The following EYA1 variants were observed in gnomAD, a reference collection of about 807,000 sequenced individuals.
EYA1 encodes EYA transcriptional coactivator and phosphatase 1, also known as protein phosphatase EYA1.
In EYA1, 16 loss-of-function variants were observed where a neutral mutation model predicts 82.0. The observed-to-expected ratio is 0.20, with a 90% CI of 0.13 to 0.30. The LOEUF is 0.30. EYA1 is among the 10% of genes least tolerant of loss of function. The pLI, the probability that EYA1 is intolerant of heterozygous loss-of-function variation, is 1.00. For synonymous variants in EYA1, 261 were observed against 264.4 expected, an observed-to-expected ratio of 0.99 and a Z score of 0.12; for missense variants, 633 against 730.7, an observed-to-expected ratio of 0.87 and a Z score of 1.54.
At chr8:71,271,601 G>C (rs184316541) in intron 10 of EYA1, among the ~76,000 whole-genome samples, 157 bp downstream of exon 10, 1 of 152,298 alleles carries the variant, frequency 6.6e-6, no homozygotes, top group East Asian at 1.9e-4. Context: ...TAATAAAGGA[G>C]AGAAAATATT....
intron 9 of EYA1, among the ~76,000 whole-genome samples, chr8:71,289,303 A>C (rs1206139968): frequency 1.3e-5 from 2 of 152,228 alleles, no homozygotes; most frequent in Non-Finnish European, 2.9e-5. Flanking sequence ...GATATCCACA[A>C]ACTGCTTTTA....
intron 17 of EYA1, among the ~76,000 whole-genome samples, chr8:71,205,676 A>G (rs1272889554): frequency 6.6e-6 from 1 of 152,230 alleles, no homozygotes; most frequent in East Asian, 1.9e-4. Context: ...ACATTGGCAA[A>G]GAGAATAAGG....
Position 71,270,336 on chromosome 8 carries a change from G to T in EYA1, c.967-513C>A, listed in dbSNP as rs28664828. ...TTCACCTTATGTTACCTATTGAGCT[G>T]TTATCAAAGGGATGGGATACACATT... On this transcript the variant is annotated intron_variant, in intron 10 of 17. Transcript: ENST00000340726. The T allele has an allele frequency of 7.1e-3, 1,125 of 157,364 alleles. 10 individuals are homozygous for T. The highest frequency in any genetic ancestry group is 0.026 in the African/African-American group (1,071 of 41,598). 9.7% of individuals were successfully genotyped at this position (157,364 alleles called of 1,614,324 possible). A position where few individuals can be genotyped will look rare whatever the true frequency, so the allele number is the denominator to read the frequency against.
intron 2 of EYA1, among the ~76,000 whole-genome samples, chr8:71,534,191 G>C (rs541164482): frequency 6.6e-6 from 1 of 152,140 alleles, no homozygotes. Context: ...GTTCATAAAA[G>C]GTGGCAGTAA....
chr8:71,212,186 A>G (rs997023635), intron 16 of EYA1, among the ~76,000 whole-genome samples: 2 of 152,330 alleles, frequency 1.3e-5, no homozygotes, highest in South Asian at 2.1e-4. Flanking sequence ...CCTCTTTCAA[A>G]TAAGGATCAG....
intron 2 of EYA1, among the ~76,000 whole-genome samples, chr8:71,396,485 T>C (rs1156438717): frequency 6.6e-6 from 1 of 152,230 alleles, no homozygotes. Context: ...GATTCTGGTA[T>C]GTTGTGTCTT....
intron 2 of EYA1, among the ~76,000 whole-genome samples, chr8:71,510,884 C>T (rs1812541856): frequency 1.3e-5 from 2 of 152,228 alleles, no homozygotes; most frequent in African/African-American, 2.4e-5. Context: ...CAATCCATCA[C>T]TCAGCTAGAT....
intron 2 of EYA1, among the ~76,000 whole-genome samples, chr8:71,389,110 G>T (rs75754553): frequency 0.052 from 7,944 of 151,818 alleles, 554 homozygotes; most frequent in African/African-American, 0.16. Context: ...GAGAGAGGGA[G>T]AAAGAAAAGA....
At chr8:71,389,680 A>G (rs1374422120) in intron 2 of EYA1, among the ~76,000 whole-genome samples, 1 of 152,222 alleles carries the variant, frequency 6.6e-6, no homozygotes, top group Non-Finnish European at 1.5e-5. Context: ...TGGTCCATGT[A>G]CGACTGGTGA....
chr8:71,346,375 C>CA (rs1563507133), intron 3 of EYA1, among the ~76,000 whole-genome samples: 1 of 147,994 alleles, frequency 6.8e-6, no homozygotes, highest in Non-Finnish European at 1.5e-5. Context: ...AGATATACTA[C>CA]ATGTATACAC....
Position 71,215,705 on chromosome 8 carries a change from C to T in EYA1, c.1384G>A (p.Glu462Lys), listed in dbSNP as rs770129052. 2 of 1,613,956 alleles carry T rather than the reference C, an allele frequency of 1.2e-6. No homozygotes were observed. The highest frequency in any genetic ancestry group is 1.1e-5 in the South Asian group (1 of 91,074). Reference protein sequence around the residue: ...VGGLLGPAKREAWLQLRAEIE... With the variant: ...VGGLLGPAKRKAWLQLRAEIE... Reference sequence around the variant, plus strand: ...TCGGCCCTCAACTGCAGCCAGGCTTCCCTCTTAGCTGGACCAAGCAGACCT... The same window carrying T: ...TCGGCCCTCAACTGCAGCCAGGCTTTCCTCTTAGCTGGACCAAGCAGACCT... The change falls in exon 15 of 18, where the codon GAA becomes AAA. Residue 462 changes from glutamate (E) to lysine (K), a missense_variant. Glu to Lys is a moderately conservative substitution (Grantham distance 56). Transcript: ENST00000340726.
intron 12 of EYA1, among the ~76,000 whole-genome samples, chr8:71,241,083 G>A (rs1812431960): frequency 1.3e-5 from 2 of 152,138 alleles, no homozygotes; most frequent in South Asian, 2.1e-4. Context: ...CGTACACTAC[G>A]GAACTAAAGT....
chr8:71,454,933 A>G (rs1186684384), intron 2 of EYA1, among the ~76,000 whole-genome samples: 1 of 152,148 alleles, frequency 6.6e-6, no homozygotes, highest in Non-Finnish European at 1.5e-5. Context: ...GCAGAACTGA[A>G]CGAGATAGAG....
chr8:71,375,738 C>T (rs1828334822), intron 2 of EYA1, among the ~76,000 whole-genome samples: 1 of 152,098 alleles, frequency 6.6e-6, no homozygotes, highest in Non-Finnish European at 1.5e-5. Flanking sequence ...AAGCGATTCT[C>T]CTGGCTCAGC....
At chr8:71,541,965 C>T (rs1203722411) in intron 1 of EYA1, among the ~76,000 whole-genome samples, 6 of 152,128 alleles carry the variant, frequency 3.9e-5, no homozygotes, top group Non-Finnish European at 7.4e-5. Context: ...ACAAAACTGG[C>T]TCCACTCAGT....
intron 2 of EYA1, among the ~76,000 whole-genome samples, chr8:71,462,857 A>G (rs1351556261): frequency 6.6e-6 from 1 of 152,172 alleles, no homozygotes; most frequent in African/African-American, 2.4e-5. Flanking sequence ...CTGCTCCCAT[A>G]GCCACTCCTG....
intron 2 of EYA1, among the ~76,000 whole-genome samples, chr8:71,453,660 C>T (rs996008908): frequency 3.3e-5 from 5 of 152,208 alleles, no homozygotes; most frequent in African/African-American, 1.2e-4. Flanking sequence ...ATTTCATATC[C>T]AGCCAAACTA....
chr8:71,456,658 G>A (rs1284456320), intron 2 of EYA1, among the ~76,000 whole-genome samples: 2 of 152,108 alleles, frequency 1.3e-5, no homozygotes, highest in African/African-American at 4.8e-5. Context: ...AAGAAATGGG[G>A]AAAGGATTCC....
intron 2 of EYA1, among the ~76,000 whole-genome samples, chr8:71,431,303 T>C (rs1166187145): frequency 6.6e-6 from 1 of 152,168 alleles, no homozygotes; most frequent in Non-Finnish European, 1.5e-5. Context: ...ACATGACCTA[T>C]GGAAAAATCA....
Sources: allele counts gnomAD v4.1 joint callset (sites outside exome capture counted in the v4.1 genomes callset), GRCh38; gene constraint gnomAD v4.1.1; transcripts MANE v1.5; gene names NCBI Gene and HGNC (gene_info 2026-07-23, HGNC 2026-07-21).